Variants in DAB2IP observed in about 807,000 individuals in gnomAD.
DAB2IP encodes disabled homolog 2-interacting protein.
Under a neutral mutation model 107.2 loss-of-function variants are expected in DAB2IP, and 28 were observed. That is an observed-to-expected ratio of 0.26 (90% CI 0.19 to 0.36). The LOEUF is 0.36. Among genes scored for constraint, DAB2IP ranks in the 10% least tolerant of loss-of-function variants. The probability of loss-of-function intolerance (pLI) is 1.00; values close to 1 mark genes in which losing one functional copy is unlikely to be tolerated. For missense variants in DAB2IP, 1,400 were observed against 1,644.7 expected (o/e 0.85, Z 2.57); for synonymous variants, 755 against 706.4 (o/e 1.07, Z -1.09).
At chr9:121,719,199 T>C (rs1300022704) in intron 3 of DAB2IP, among the ~76,000 whole-genome samples, 2 of 152,194 alleles carry the variant, frequency 1.3e-5, no homozygotes, top group African/African-American at 4.8e-5. Flanking sequence ...TAGTGATCCC[T>C]TTACAGATGG....
At position 121,599,928 on chromosome 9, in the gene DAB2IP, C is replaced by T. The variant is rs1830635912; in HGVS notation, c.40+32700C>T. On this transcript the variant is annotated intron_variant, in intron 1 of 16. Coordinates refer to the DAB2IP transcript ENST00000259371. The surrounding 1 kb of genome is among the most constrained non-coding windows in gnomAD (Gnocchi z 6.9). ...CTTTGCTTTATTTACCCCGCTTTTC[C>T]CCTACAGTCCCCTCTCCCGCAAGGA... Among the ~76,000 whole-genome samples the T allele has an allele frequency of 6.6e-6, 1 of 152,140 alleles. No homozygotes were observed. The highest frequency in any genetic ancestry group is 2.1e-4 in the South Asian group (1 of 4,828).
intron 3 of DAB2IP, among the ~76,000 whole-genome samples, chr9:121,747,030 G>A (rs1832766861): frequency 6.6e-6 from 1 of 152,182 alleles, no homozygotes; most frequent in Non-Finnish European, 1.5e-5. Flanking sequence ...AGATGGGGGA[G>A]GGCAGTGGGC....
At chr9:121,605,378 C>T (rs1283383199) in intron 1 of DAB2IP, among the ~76,000 whole-genome samples, 1 of 152,170 alleles carries the variant, frequency 6.6e-6, no homozygotes, top group East Asian at 1.9e-4. Flanking sequence ...GGCTGTGTGG[C>T]ATCAAGGGGG....
intron 3 of DAB2IP, among the ~76,000 whole-genome samples, chr9:121,705,066 T>G (rs1369038091): frequency 6.6e-6 from 1 of 152,234 alleles, no homozygotes; most frequent in Non-Finnish European, 1.5e-5. Context: ...ATCAATTTAT[T>G]TTTTGCTTTC....
At position 121,776,500 on chromosome 9, in the gene DAB2IP, GGAGA is replaced by G. The variant is rs1261959768; in HGVS notation, c.3314+113_3314+116del. Reference sequence around the variant, plus strand: ...CCTCCTCAAAGGATAAGCTGAATGTGGAGAGAGGAGGGAAGAGAGTGTCTGGGCA... The same window carrying G: ...CCTCCTCAAAGGATAAGCTGAATGTGGAGGAGGGAAGAGAGTGTCTGGGCA... On this transcript the variant is annotated intron_variant, in intron 14 of 15. Coordinates refer to ENST00000408936, the Ensembl canonical transcript of DAB2IP. This position sits in a 1 kb window ranked among gnomAD's most constrained non-coding sequence, Gnocchi z 5.4. The G allele has an allele frequency of 8.2e-7, 1 of 1,218,678 alleles. No individual in the cohort carries two copies. Among genetic ancestry groups the G allele is most frequent in the African/African-American group, 1.5e-5 (1 of 65,108 alleles). The allele number at this position is 1,218,678 out of a possible 1,614,324, so 75.5% of individuals were successfully genotyped here.
intron 3 of DAB2IP, among the ~76,000 whole-genome samples, chr9:121,712,734 A>G (rs1170417430): frequency 2.0e-5 from 3 of 152,126 alleles, no homozygotes; most frequent in Non-Finnish European, 2.9e-5. Flanking sequence ...CTTCTGTAGG[A>G]GTATTTCTTA....
At chr9:121,645,670 TG>T (rs1319409947) in intron 1 of DAB2IP, among the ~76,000 whole-genome samples, 1 of 152,186 alleles carries the variant, frequency 6.6e-6, no homozygotes, top group East Asian at 1.9e-4. Context: ...GATCCCAGTT[TG>T]CCATGGGTTA....
In DAB2IP at chr9:121,607,092, C is replaced by T. The variant is rs891643052; in HGVS notation, c.40+39864C>T. On this transcript the variant is annotated intron_variant, in intron 1 of 16. Coordinates refer to the DAB2IP transcript ENST00000259371. ...GCCTGGCCGGCAGTGTTCTTATGAA[C>T]GTAGAGAACACCTGCGCAGATGGGT... Among the ~76,000 whole-genome samples the T allele has an allele frequency of 2.6e-5, 4 of 152,026 alleles. No individual in the cohort carries two copies. The South Asian group carries it at 8.3e-4, about 32-fold the overall frequency.
In DAB2IP at chr9:121,701,923, C is replaced by T. The variant is rs1372471987; in HGVS notation, c.362+2465C>T. On this transcript the variant is annotated intron_variant, in intron 3 of 15. Coordinates refer to ENST00000408936, the Ensembl canonical transcript of DAB2IP. This position sits in a 1 kb window ranked among gnomAD's most constrained non-coding sequence, Gnocchi z 4.7. ...GTTGTGTCCTGGCTCCATGGGACCC[C>T]CACTGGCTGCCATGCCTCTGGCTGG... 3.3e-5 allele frequency among the ~76,000 whole-genome samples: 5 copies of T among 152,110 alleles called. No homozygotes were observed. Among genetic ancestry groups the T allele is most frequent in the Non-Finnish European group, 7.4e-5 (5 of 68,014 alleles).
At chr9:121,742,970 C>T (rs753604489) in intron 3 of DAB2IP, 19 of 985,480 alleles carry the variant, frequency 1.9e-5, no homozygotes, top group Non-Finnish European at 2.3e-5. Flanking sequence ...GAAGAAGAGA[C>T]ACTGGAGGAT....
intron 8 of DAB2IP, among the ~76,000 whole-genome samples, chr9:121,766,025 G>A (rs572209163): frequency 1.2e-4 from 19 of 152,370 alleles, no homozygotes; most frequent in African/African-American, 4.3e-4. Flanking sequence ...CCAGTGATGG[G>A]AACCCAAGGA....
intron 2 of DAB2IP, among the ~76,000 whole-genome samples, chr9:121,694,910 G>A (rs1829344346): frequency 6.6e-6 from 1 of 152,206 alleles, no homozygotes. Context: ...TCAGCGTCGT[G>A]GCACAGCTGC....
At chr9:121,572,395 G>GA (rs1829965177) in intron 1 of DAB2IP, among the ~76,000 whole-genome samples, 1 of 151,462 alleles carries the variant, frequency 6.6e-6, no homozygotes, top group Non-Finnish European at 1.5e-5. Context: ...ATACTCAGTG[G>GA]ATGAATGAAT....
rs117205953 is a variant in DAB2IP at position 121,702,114 on chromosome 9, T to C, written c.362+2656T>C. ...GGGGCGGCCACTTGAGTTCTGACTT[T>C]GGATGAATCTATCTGGTTTATATGG... On this transcript the variant is annotated intron_variant, in intron 3 of 15. Coordinates refer to ENST00000408936, the Ensembl canonical transcript of DAB2IP. The surrounding 1 kb of genome is among the most constrained non-coding windows in gnomAD (Gnocchi z 4.5). Among the ~76,000 whole-genome samples, 602 of 152,310 alleles carry C rather than the reference T, an allele frequency of 4.0e-3. 2 individuals are homozygous for C. Among genetic ancestry groups the C allele is most frequent in the Non-Finnish European group, 6.4e-3 (433 of 68,020 alleles).
intron 14 of DAB2IP, among the ~76,000 whole-genome samples, chr9:121,777,327 T>G (rs1412518787): frequency 1.3e-5 from 2 of 152,378 alleles, no homozygotes; most frequent in Middle Eastern, 3.4e-3. Flanking sequence ...GACCACCTGT[T>G]TCTCTGTTCC....
intron 3 of DAB2IP, among the ~76,000 whole-genome samples, chr9:121,744,277 G>A (rs370025953): frequency 1.1e-4 from 16 of 152,192 alleles, no homozygotes; most frequent in Non-Finnish European, 1.6e-4. Context: ...GGGTGGAGGC[G>A]GGTGGGAGAC....
chr9:121,635,906 T>G lies in DAB2IP; in HGVS notation c.41-42772T>G, dbSNP rs375668998. Among the ~76,000 whole-genome samples, 183 of 145,784 alleles carry G rather than the reference T, an allele frequency of 1.3e-3. No individual in the cohort carries two copies. The highest frequency in any genetic ancestry group is 3.6e-3 in the African/African-American group (143 of 40,006). Reference sequence around the variant, plus strand: ...CAGTCCCCTGTTTAGATGTCTTTTTTGGGGGGGGGTCTGGGGGATGGAGTC... The same window carrying G: ...CAGTCCCCTGTTTAGATGTCTTTTTGGGGGGGGGGTCTGGGGGATGGAGTC... On this transcript the variant is annotated intron_variant, in intron 1 of 16. Coordinates refer to the DAB2IP transcript ENST00000259371. The surrounding 1 kb of genome is among the most constrained non-coding windows in gnomAD (Gnocchi z 4.3).
chr9:121,622,091 C>T (rs1317669047), intron 1 of DAB2IP, among the ~76,000 whole-genome samples: 4 of 149,254 alleles, frequency 2.7e-5, no homozygotes, highest in African/African-American at 1.0e-4. Context: ...TGGGCTCAAG[C>T]GATTCTCCTG....
At chr9:121,725,246 G>A (rs1421816562) in intron 3 of DAB2IP, among the ~76,000 whole-genome samples, 2 of 152,172 alleles carry the variant, frequency 1.3e-5, no homozygotes, top group African/African-American at 4.8e-5. Context: ...TTCTGGGAGC[G>A]ATGACTTCAT....
Sources: allele counts gnomAD v4.1 joint callset (sites outside exome capture counted in the v4.1 genomes callset), GRCh38; gene constraint gnomAD v4.1.1; non-coding constraint Gnocchi (gnomAD v3.1); transcripts MANE v1.5; gene names NCBI Gene and HGNC (gene_info 2026-07-23, HGNC 2026-07-21).